Variants in CDH13 observed in about 807,000 individuals in gnomAD.
The protein encoded by CDH13 is cadherin-13.
A neutral mutation model predicts 63.8 loss-of-function variants in CDH13; 24 were observed. The ratio of observed to expected loss-of-function variants is 0.38; its 90% CI spans 0.27 to 0.53. The LOEUF is 0.53. Among genes scored for constraint, CDH13 ranks in the 20% least tolerant of loss-of-function variants. CDH13 has a pLI of 0.85. For missense variants in CDH13, 1,049 were observed against 903.1 expected, an observed-to-expected ratio of 1.16 and a Z score of -2.07; for synonymous variants, 503 against 355.3, an observed-to-expected ratio of 1.42 and a Z score of -4.67.
rs36010432 is a variant in CDH13 at position 83,634,403 on chromosome 16, CTT to C, written c.1101+31823_1101+31824del. On this transcript the variant is annotated intron_variant, in intron 8 of 13. Coordinates refer to ENST00000567109, the MANE Select transcript of CDH13 (RefSeq NM_001257.5). ...AATATGTAACTCTTTGATATTAACT[CTT>C]TTTTTTTTTTTTTGAGACGGAGTCT... 2.4e-3 allele frequency among the ~76,000 whole-genome samples: 334 copies of C among 141,006 alleles called. 1 individual carries two copies. Among genetic ancestry groups the C allele is most frequent in the African/African-American group, 3.8e-3 (143 of 37,934 alleles). The allele number at this position is 141,006 out of a possible 152,430, so 92.5% of individuals were successfully genotyped here. A position where few individuals can be genotyped will look rare whatever the true frequency, so the allele number is the denominator to read the frequency against.
intron 10 of CDH13, among the ~76,000 whole-genome samples, chr16:83,707,992 C>A (rs1459731033): frequency 6.6e-6 from 1 of 152,126 alleles, no homozygotes; most frequent in Non-Finnish European, 1.5e-5. Flanking sequence ...GCAGCAGCTG[C>A]CACCATGACC....
At chr16:83,524,410 C>G (rs977689674) in intron 7 of CDH13, among the ~76,000 whole-genome samples, 2 of 148,524 alleles carry the variant, frequency 1.3e-5, no homozygotes, top group Non-Finnish European at 3.0e-5. Flanking sequence ...AGCAGGTGGA[C>G]TGAGAGTCAT....
chr16:83,145,529 C>A lies in CDH13; in HGVS notation c.483+20028C>A, dbSNP rs529765683. 3.3e-5 allele frequency among the ~76,000 whole-genome samples: 5 copies of A among 152,314 alleles called. No individual in the cohort carries two copies. In the South Asian group the frequency reaches 8.3e-4, roughly 25 times the overall value. The stretch of plus-strand genomic sequence containing the variant: ...ACTGGCTTAATTGTTCAGCAGACAC[C>A]AAGGACCGTGTCAACACAGTTCTGC... On this transcript the variant is annotated intron_variant, in intron 4 of 13. Transcript: ENST00000567109.
intron 10 of CDH13, among the ~76,000 whole-genome samples, chr16:83,736,678 C>A (rs550750452): frequency 6.6e-6 from 1 of 152,082 alleles, no homozygotes; most frequent in East Asian, 1.9e-4. Flanking sequence ...GAGCGCCTAG[C>A]GGAAACTATG....
chr16:83,568,955 T>G (rs1355472212), intron 7 of CDH13, among the ~76,000 whole-genome samples: 1 of 152,074 alleles, frequency 6.6e-6, no homozygotes, highest in Non-Finnish European at 1.5e-5. Flanking sequence ...CAGAACATTC[T>G]CCTTTTCTGA....
chr16:82,866,889 T>G (rs564610573), intron 2 of CDH13, among the ~76,000 whole-genome samples: 7 of 152,190 alleles, frequency 4.6e-5, no homozygotes, highest in Non-Finnish European at 7.3e-5. Context: ...CATGATTCAA[T>G]GACCTCCCCC....
At chr16:82,701,736 C>T (rs2031040919) in intron 1 of CDH13, among the ~76,000 whole-genome samples, 1 of 152,144 alleles carries the variant, frequency 6.6e-6, no homozygotes, top group Non-Finnish European at 1.5e-5. Context: ...CTCTTCCTAA[C>T]ACTTTCCATA....
intron 2 of CDH13, among the ~76,000 whole-genome samples, chr16:82,862,286 G>A (rs1438494510): frequency 6.6e-6 from 1 of 152,120 alleles, no homozygotes; most frequent in Non-Finnish European, 1.5e-5. Context: ...AGCTGTCTTG[G>A]GCAACTGACC....
intron 5 of CDH13, among the ~76,000 whole-genome samples, chr16:83,232,701 G>C (rs1362582084): frequency 1.3e-5 from 2 of 152,044 alleles, no homozygotes. Flanking sequence ...CCAGCATCAT[G>C]CTTCCTATAC....
rs748410884 is a variant in CDH13 at position 83,032,121 on chromosome 16, T to C, written c.269T>C (p.Val90Ala). 6.2e-7 allele frequency: 1 copy of C among 1,613,392 alleles called. No homozygotes were observed. The highest frequency in any genetic ancestry group is 1.3e-5 in the African/African-American group (1 of 74,888). Residue 90 changes from valine to alanine, a missense_variant, in exon 3 of 14, where the codon GTG becomes GCG. Val to Ala is a moderately conservative substitution (Grantham distance 64). Coordinates refer to ENST00000567109, the MANE Select transcript of CDH13 (RefSeq NM_001257.5). ...GTTGCTCTGAGAAACATAACTGCAG[T>C]GGGCAAAACTCTGTTCGTCCATGCA... Reference protein sequence around the residue: ...GLVALRNITAVGKTLFVHART... With the variant: ...GLVALRNITAAGKTLFVHART...
chr16:83,189,550 T>C (rs1442532391), intron 4 of CDH13, among the ~76,000 whole-genome samples: 1 of 152,184 alleles, frequency 6.6e-6, no homozygotes, highest in Admixed American at 6.5e-5. Flanking sequence ...GGGTATTCAT[T>C]GACTCCCATA....
At chr16:83,266,214 A>G (rs1230367662) in intron 5 of CDH13, among the ~76,000 whole-genome samples, 1 of 152,140 alleles carries the variant, frequency 6.6e-6, no homozygotes, top group Middle Eastern at 3.2e-3. Context: ...CTGGGATTAC[A>G]TACAGAAGTC....
rs141849162 is a variant in CDH13, at chr16:83,615,679, A to C, written c.1101+13085A>C. Among the ~76,000 whole-genome samples the C allele has an allele frequency of 3.8e-4, 58 of 152,336 alleles. 1 individual carries two copies. Among genetic ancestry groups the C allele is most frequent in the African/African-American group, 1.3e-3 (55 of 41,584 alleles). ...ATGGTATTTTTGGAGAGAAGAGAAC[A>C]GTGTGATTTCAGTGCATGGGTACTA... is the stretch of plus-strand genomic sequence containing the variant. On this transcript the variant is annotated intron_variant, in intron 8 of 13. Transcript: ENST00000567109.
At chr16:82,911,826 C>A (rs976216575) in intron 2 of CDH13, among the ~76,000 whole-genome samples, 13 of 152,214 alleles carry the variant, frequency 8.5e-5, no homozygotes, top group African/African-American at 2.9e-4. Flanking sequence ...CACCAAATTC[C>A]CCAAAAGCCC....
intron 4 of CDH13, among the ~76,000 whole-genome samples, chr16:83,141,403 A>G (rs2036523508): frequency 6.6e-6 from 1 of 152,208 alleles, no homozygotes; most frequent in Non-Finnish European, 1.5e-5. Context: ...AATTGATGTC[A>G]GCATGTTCAC....
chr16:82,777,112 A>AGTTT (rs978722184), intron 1 of CDH13, among the ~76,000 whole-genome samples: 1 of 151,962 alleles, frequency 6.6e-6, no homozygotes, highest in South Asian at 2.1e-4. Flanking sequence ...CACCTGGCTG[A>AGTTT]GTTTGTTTGT....
At chr16:83,739,552 C>T (rs1032749243) in intron 10 of CDH13, among the ~76,000 whole-genome samples, 4 of 152,108 alleles carry the variant, frequency 2.6e-5, no homozygotes, top group African/African-American at 7.2e-5. Flanking sequence ...TCTTCGGGAC[C>T]CCCAGCACAC....
intron 10 of CDH13, among the ~76,000 whole-genome samples, chr16:83,714,343 G>A (rs996799659): frequency 3.3e-5 from 5 of 152,064 alleles, no homozygotes; most frequent in African/African-American, 4.8e-5. Flanking sequence ...TGAAATCTAC[G>A]CTCTCGGTCA....
intron 2 of CDH13, among the ~76,000 whole-genome samples, chr16:82,945,784 C>A (rs1904646714): frequency 1.3e-5 from 2 of 152,072 alleles, no homozygotes; most frequent in Admixed American, 1.3e-4. Flanking sequence ...GTATTATTAT[C>A]CTAAAAAATA....
Sources: allele counts gnomAD v4.1 joint callset (sites outside exome capture counted in the v4.1 genomes callset), GRCh38; gene constraint gnomAD v4.1.1; transcripts MANE v1.5; gene names NCBI Gene and HGNC (gene_info 2026-07-23, HGNC 2026-07-21).